FAM78B: variants seen among roughly 807,000 people sequenced by gnomAD.
FAM78B encodes the protein family with sequence similarity 78 member B, also known as protein FAM78B.
FAM78B carries 10 observed loss-of-function variants against 20.0 expected under a neutral mutation model. The observed-to-expected ratio is 0.50, with a 90% confidence interval of 0.31 to 0.85. The LOEUF (loss-of-function observed/expected upper bound fraction) is 0.85, where lower values mean the gene tolerates loss of function less well. Ranked by LOEUF, FAM78B falls within the 40% of genes least tolerant of loss-of-function variation. The pLI is 0.05. For missense variants in FAM78B, 283 were observed against 345.0 expected, an observed-to-expected ratio of 0.82 and a Z score of 1.42; for synonymous variants, 135 against 132.8, an observed-to-expected ratio of 1.02 and a Z score of -0.12.
At chr1:166,071,239 T>C (rs184688246) in intron 1 of FAM78B, among the ~76,000 whole-genome samples, 2 of 152,242 alleles carry the variant, frequency 1.3e-5, no homozygotes. Context: ...ATTAATTTCT[T>C]AGGAAATCAT....
intron 1 of FAM78B, among the ~76,000 whole-genome samples, chr1:166,123,226 C>T (rs1218862974): frequency 6.6e-6 from 1 of 152,214 alleles, no homozygotes; most frequent in African/African-American, 2.4e-5. Context: ...CCAGGCCAGG[C>T]CTCCCCCACC....
intron 1 of FAM78B, among the ~76,000 whole-genome samples, chr1:166,114,039 C>T (rs150719633): frequency 6.6e-6 from 1 of 152,328 alleles, no homozygotes; most frequent in African/African-American, 2.4e-5. Context: ...AAATCCTTTA[C>T]AAAACAAGAC....
chr1:166,143,620 C>T (rs1317211880), intron 1 of FAM78B, among the ~76,000 whole-genome samples: 1 of 151,916 alleles, frequency 6.6e-6, no homozygotes, highest in South Asian at 2.1e-4. Flanking sequence ...GTGCAGAGGA[C>T]AGGTGGTGGA....
rs1294938255 is a variant in FAM78B, at chr1:166,109,892, A to ATGTG, written c.264-39130_264-39129insCACA. ...TGTATATATATATATGTATATATGT[A>ATGTG]TATATATATATATATATATATATAT... On this transcript the variant is annotated intron_variant, in intron 1 of 1. Transcript: ENST00000354422. Among the ~76,000 whole-genome samples, 41 of 41,880 alleles carry ATGTG rather than the reference A, an allele frequency of 9.8e-4. 3 individuals carry two copies. The highest frequency in any genetic ancestry group is 4.0e-3 in the South Asian group (4 of 990). 27.5% of individuals were successfully genotyped at this position (41,880 alleles called of 152,430 possible).
chr1:166,101,353 A>G (rs1221198506), intron 1 of FAM78B, among the ~76,000 whole-genome samples: 1 of 152,236 alleles, frequency 6.6e-6, no homozygotes, highest in Non-Finnish European at 1.5e-5. Context: ...AACTTTGAGG[A>G]GTTGAGAGAA....
chr1:166,160,971 T>C (rs1284489783), intron 1 of FAM78B, among the ~76,000 whole-genome samples: 2 of 152,118 alleles, frequency 1.3e-5, no homozygotes, highest in South Asian at 2.1e-4. Flanking sequence ...TCAGAGGAGA[T>C]AGCGGCTGAG....
At chr1:166,066,521 GC>G (rs1651801050), downstream of FAM78B, among the ~76,000 whole-genome samples, 1 of 152,098 alleles carries the variant, frequency 6.6e-6, no homozygotes, top group Non-Finnish European at 1.5e-5. Flanking sequence ...GAGCCAAAAG[GC>G]CCCATTTCAA....
At chr1:166,138,488 T>C (rs753038806) in intron 1 of FAM78B, among the ~76,000 whole-genome samples, 11 of 152,162 alleles carry the variant, frequency 7.2e-5, no homozygotes, top group Non-Finnish European at 1.5e-4. Flanking sequence ...ATCTCTCTTT[T>C]TAGAGTGACA....
intron 1 of FAM78B, among the ~76,000 whole-genome samples, chr1:166,080,056 T>C (rs1310301442): frequency 6.6e-6 from 1 of 152,178 alleles, no homozygotes; most frequent in African/African-American, 2.4e-5. Context: ...CATTATGCAG[T>C]AGGGAACTTG....
intron 1 of FAM78B, among the ~76,000 whole-genome samples, chr1:166,077,719 A>G (rs1210745178): frequency 1.6e-5 from 2 of 127,702 alleles, no homozygotes; most frequent in African/African-American, 7.3e-5. Context: ...ATATAATTAC[A>G]TATATTTATA....
At chr1:166,154,763 A>G (rs775467908) in intron 1 of FAM78B, 9 of 510,950 alleles carry the variant, frequency 1.8e-5, no homozygotes, top group Non-Finnish European at 2.4e-5. Flanking sequence ...AGGCCCATGG[A>G]CCTGAGTCTG....
chr1:166,097,456 CA>C (rs1375409497), intron 1 of FAM78B, among the ~76,000 whole-genome samples: 2 of 152,186 alleles, frequency 1.3e-5, no homozygotes, highest in African/African-American at 4.8e-5. Context: ...GGCAGATAGC[CA>C]GGGGCAGGTT....
At chr1:166,143,062 C>T (rs1373571186) in intron 1 of FAM78B, among the ~76,000 whole-genome samples, 1 of 152,124 alleles carries the variant, frequency 6.6e-6, no homozygotes, top group Non-Finnish European at 1.5e-5. Flanking sequence ...AGATGTTGGG[C>T]AAATTAGGTA....
chr1:166,095,701 T>G (rs1335387179), intron 1 of FAM78B, among the ~76,000 whole-genome samples: 4 of 152,096 alleles, frequency 2.6e-5, no homozygotes, highest in African/African-American at 9.7e-5. Context: ...GGCAGGGAAT[T>G]GCTTACGTGA....
In FAM78B at chr1:166,120,616, A is replaced by G. The variant is rs1347341326; in HGVS notation, c.263+45370T>C. Among the ~76,000 whole-genome samples the G allele has an allele frequency of 3.9e-5, 6 of 152,256 alleles. No homozygotes were observed. The East Asian group carries it at 1.2e-3, about 29-fold the overall frequency. On this transcript the variant is annotated intron_variant, in intron 1 of 1. Coordinates refer to ENST00000354422, the MANE Select transcript of FAM78B (RefSeq NM_001017961.5). ...TGTACAGACAACAGTGCTCATTTGG[A>G]TAACAGGGGTCCTAAAGAGGGGTCC...
chr1:166,093,363 G>A (rs1241443847), intron 1 of FAM78B, among the ~76,000 whole-genome samples: 1 of 152,086 alleles, frequency 6.6e-6, no homozygotes, highest in Non-Finnish European at 1.5e-5. Flanking sequence ...TCATCTCCAA[G>A]CAGAGGTTCC....
intron 1 of FAM78B, among the ~76,000 whole-genome samples, chr1:166,102,962 A>C (rs1478594367): frequency 6.6e-6 from 1 of 152,232 alleles, no homozygotes; most frequent in Non-Finnish European, 1.5e-5. Flanking sequence ...TTGGAAGTAA[A>C]GCACTCCTCA....
At chr1:166,078,782 G>A (rs1424370235) in intron 1 of FAM78B, among the ~76,000 whole-genome samples, 1 of 152,166 alleles carries the variant, frequency 6.6e-6, no homozygotes, top group Non-Finnish European at 1.5e-5. Flanking sequence ...AATGTCCCCT[G>A]ATGCGGTGTG....
At chr1:166,072,716 G>A (rs1652096727) in intron 1 of FAM78B, among the ~76,000 whole-genome samples, 1 of 152,194 alleles carries the variant, frequency 6.6e-6, no homozygotes, top group Admixed American at 6.5e-5. Flanking sequence ...ACCAGTCCCT[G>A]CTGGCCTTTG....
Sources: allele counts gnomAD v4.1 joint callset (sites outside exome capture counted in the v4.1 genomes callset), GRCh38; gene constraint gnomAD v4.1.1; transcripts MANE v1.5; gene names NCBI Gene and HGNC (gene_info 2026-07-23, HGNC 2026-07-21).